DMD: variants seen among roughly 807,000 people sequenced by gnomAD.
The protein encoded by DMD is mutant dystrophin.
In DMD, 63 loss-of-function variants were observed where a neutral mutation model predicts 330.1. The observed-to-expected ratio is 0.19, with a 90% confidence interval of 0.16 to 0.24. The LOEUF (loss-of-function observed/expected upper bound fraction) is 0.24. Ranked by LOEUF, DMD falls within the 10% of genes least tolerant of loss-of-function variation. The probability of loss-of-function intolerance (pLI) is 1.00; values close to 1 mark genes in which losing one functional copy is unlikely to be tolerated. For synonymous variants in DMD, 1,223 were observed against 959.8 expected (o/e 1.27, Z -5.07); for missense variants, 3,344 against 2,684.1 (o/e 1.25, Z -5.43).
At chrX:32,242,821 T>C (rs762653672) in intron 43 of DMD, among the ~76,000 whole-genome samples, 1 of 109,837 alleles carries the variant, frequency 9.1e-6, no homozygotes. Context: ...GTCCGTGAAA[T>C]GAGGATAGAA....
chrX:31,852,441 T>A (rs2996017), intron 48 of DMD, among the ~76,000 whole-genome samples: 34,607 of 110,666 alleles, frequency 0.31, 4,123 homozygotes, highest in African/African-American at 0.37. Context: ...AAACTGGTAC[T>A]CCCAGGTCTT....
intron 60 of DMD, among the ~76,000 whole-genome samples, chrX:31,375,612 A>G (rs2059846271): frequency 8.9e-6 from 1 of 111,910 alleles, no homozygotes; most frequent in Non-Finnish European, 1.9e-5. Context: ...CAGTCCAAAA[A>G]GGAACAAATA....
chrX:31,385,389 G>C (rs867695427), intron 60 of DMD, among the ~76,000 whole-genome samples: 1 of 111,829 alleles, frequency 8.9e-6, no homozygotes, highest in African/African-American at 3.2e-5. Context: ...AAGATGTTTT[G>C]GAAACATATT....
chrX:33,110,313 G>A (rs1049639681), intron 1 of DMD, among the ~76,000 whole-genome samples: 1 of 111,213 alleles, frequency 9.0e-6, no homozygotes, highest in South Asian at 3.7e-4. Flanking sequence ...TTTGGCATCT[G>A]GTGAAGCATA....
chrX:31,880,551 A>C (rs963992844), intron 47 of DMD, among the ~76,000 whole-genome samples: 3 of 112,593 alleles, frequency 2.7e-5, no homozygotes, highest in Admixed American at 9.4e-5. Flanking sequence ...GCAATGTTAT[A>C]CTATTATTTA....
intron 12 of DMD, among the ~76,000 whole-genome samples, chrX:32,600,264 A>C (rs955892451): frequency 8.9e-6 from 1 of 111,905 alleles, no homozygotes; most frequent in Non-Finnish European, 1.9e-5. Flanking sequence ...CACATGTAAA[A>C]TAATACTTAG....
intron 74 of DMD, among the ~76,000 whole-genome samples, chrX:31,168,120 A>G: frequency 8.9e-6 from 1 of 111,877 alleles, no homozygotes; most frequent in Middle Eastern, 4.6e-3. Context: ...AGAGGTTAGC[A>G]GTTAGGCTGA....
chrX:31,136,842 GCTT>G (rs1165352223), intron 76 of DMD, among the ~76,000 whole-genome samples: 2 of 111,670 alleles, frequency 1.8e-5, no homozygotes, highest in Admixed American at 9.5e-5. Flanking sequence ...TGTAAAATTG[GCTT>G]CTTTGCTTTA....
chrX:32,537,660 G>A (rs972605039), intron 17 of DMD, among the ~76,000 whole-genome samples: 10 of 111,648 alleles, frequency 9.0e-5, no homozygotes, highest in African/African-American at 3.3e-4. Context: ...GAGGGTAAAG[G>A]AAAGAATCAG....
chrX:33,290,669 G>T (rs1405672863), intron 1 of DMD, among the ~76,000 whole-genome samples: 1 of 111,223 alleles, frequency 9.0e-6, no homozygotes, highest in African/African-American at 3.3e-5. Context: ...CTAGACAAGT[G>T]CATACAATGT....
chrX:31,585,306 AGAGT>A lies in DMD; in HGVS notation c.8217+42363_8217+42366del, dbSNP rs754828653. ...ACCATTGCACTCCAGCCTAGGCAAC[AGAGT>A]GAGACCCTGTCTCAAAAAAAAAAAA... On this transcript the variant is annotated intron_variant, in intron 55 of 78. Coordinates refer to ENST00000357033, the MANE Select transcript of DMD (RefSeq NM_004006.3). Among the ~76,000 whole-genome samples the A allele has an allele frequency of 2.1e-3, 197 of 95,697 alleles. 1 individual carries two copies. Among genetic ancestry groups the A allele is most frequent in the African/African-American group, 7.2e-3 (184 of 25,381 alleles). The allele number at this position is 95,697 out of a possible 115,157, so 83.1% of individuals were successfully genotyped here.
intron 44 of DMD, among the ~76,000 whole-genome samples, chrX:32,016,522 C>T (rs181752317): frequency 9.0e-6 from 1 of 110,970 alleles, no homozygotes; most frequent in East Asian, 2.8e-4. Flanking sequence ...TTTTTCTCTC[C>T]AGCACTTCCT....
chrX:33,249,508 C>T (rs1454950601), intron 1 of DMD, among the ~76,000 whole-genome samples: 2 of 111,504 alleles, frequency 1.8e-5, no homozygotes, highest in African/African-American at 6.5e-5. Flanking sequence ...ATCATTATTG[C>T]ATTTACTTCA....
intron 1 of DMD, among the ~76,000 whole-genome samples, chrX:33,293,114 T>C (rs1039612973): frequency 2.7e-5 from 3 of 111,610 alleles, no homozygotes; most frequent in African/African-American, 9.8e-5. Context: ...AATCATATTC[T>C]TTAAATATTT....
chrX:31,762,848 A>C (rs780903503), intron 51 of DMD, among the ~76,000 whole-genome samples: 3 of 112,533 alleles, frequency 2.7e-5, no homozygotes, highest in South Asian at 7.3e-4. Flanking sequence ...TAAAATTATG[A>C]TTGTTTTTGC....
At position 32,348,481 on chromosome X, in the gene DMD, T is replaced by C; in HGVS notation, c.5373A>G (p.Gln1791=). Residue 1791 remains glutamine (Q), a synonymous_variant, in exon 38 of 79, where the codon CAA becomes CAG. Transcript: ENST00000357033. Reference sequence around the variant, plus strand: ...CAGCCTCCAGTGGTTCAAGCAATTTTTGTATATCTGAGTTAAACTGCTCCA... The same window carrying C: ...CAGCCTCCAGTGGTTCAAGCAATTTCTGTATATCTGAGTTAAACTGCTCCA... ...KELEQFNSDI[Q]KLLEPLEAEI... is the part of the protein sequence containing the mutation. The C allele has an allele frequency of 8.3e-7, 1 of 1,207,634 alleles. No homozygotes were observed. Among genetic ancestry groups the C allele is most frequent in the South Asian group, 1.8e-5 (1 of 56,914 alleles).
intron 57 of DMD, among the ~76,000 whole-genome samples, chrX:31,488,980 C>G (rs2069036514): frequency 8.9e-6 from 1 of 112,051 alleles, no homozygotes; most frequent in East Asian, 2.8e-4. Context: ...GAACCTATCA[C>G]TGTCTACTGA....
chrX:32,615,774 A>T (rs1277727061), intron 11 of DMD, among the ~76,000 whole-genome samples: 4 of 111,608 alleles, frequency 3.6e-5, no homozygotes, highest in Non-Finnish European at 7.6e-5. Context: ...ACAAAGAGTT[A>T]TCATATAACT....
intron 7 of DMD, among the ~76,000 whole-genome samples, chrX:32,804,372 G>A (rs1025378103): frequency 8.9e-6 from 1 of 112,333 alleles, no homozygotes; most frequent in Non-Finnish European, 1.9e-5. Flanking sequence ...TTCAAACTGG[G>A]CAGAGCCCAC....
Sources: allele counts gnomAD v4.1 joint callset (sites outside exome capture counted in the v4.1 genomes callset), GRCh38; gene constraint gnomAD v4.1.1; transcripts MANE v1.5; gene names NCBI Gene and HGNC (gene_info 2026-07-23, HGNC 2026-07-21).